GHR: variants seen among roughly 807,000 people sequenced by gnomAD.
GHR encodes GH receptor.
GHR carries 35 observed loss-of-function variants against 67.1 expected under a neutral mutation model. The observed-to-expected ratio is 0.52, with a 90% CI of 0.40 to 0.69. The LOEUF (loss-of-function observed/expected upper bound fraction) is 0.69. GHR is among the 30% of genes least tolerant of loss of function. The pLI is 0.00. For missense variants in GHR, 792 were observed against 764.6 expected (o/e 1.04, Z -0.42); for synonymous variants, 272 against 269.1 (o/e 1.01, Z -0.10).
intron 1 of GHR, among the ~76,000 whole-genome samples, chr5:42,470,390 C>A (rs1342549916): frequency 6.6e-6 from 1 of 151,922 alleles, no homozygotes; most frequent in East Asian, 1.9e-4. Flanking sequence ...TCCTTCCCTT[C>A]ATCTAATACA....
chr5:42,470,285 T>A (rs1744954934), intron 1 of GHR, among the ~76,000 whole-genome samples: 1 of 145,086 alleles, frequency 6.9e-6, no homozygotes, highest in Non-Finnish European at 1.5e-5. Context: ...AGTAAATATA[T>A]GGGGTGTGTA....
chr5:42,647,605 T>G, intron 3 of GHR: 1 of 398,752 alleles, frequency 2.5e-6, no homozygotes, highest in Non-Finnish European at 4.9e-6. Flanking sequence ...AGGGCCAAAG[T>G]AACAATGTAG....
intron 1 of GHR, among the ~76,000 whole-genome samples, chr5:42,440,764 T>C (rs950899666): frequency 1.3e-5 from 2 of 152,152 alleles, no homozygotes; most frequent in African/African-American, 4.8e-5. Context: ...ATGCTGAAGA[T>C]TGAAAGGAGT....
chr5:42,567,032 C>T (rs1159258326), intron 2 of GHR, among the ~76,000 whole-genome samples: 1 of 152,118 alleles, frequency 6.6e-6, no homozygotes, highest in Admixed American at 6.5e-5. Flanking sequence ...GTCTCTCTGG[C>T]GTTATAATGT....
intron 1 of GHR, among the ~76,000 whole-genome samples, chr5:42,438,429 C>A (rs554891176): frequency 1.3e-5 from 2 of 152,248 alleles, no homozygotes; most frequent in East Asian, 3.9e-4. Flanking sequence ...GAATGTGGGC[C>A]AAACTCAGGT....
intron 1 of GHR, among the ~76,000 whole-genome samples, chr5:42,498,725 A>T (rs1746418880): frequency 6.6e-6 from 1 of 152,198 alleles, no homozygotes; most frequent in South Asian, 2.1e-4. Flanking sequence ...TTCAGCTTAT[A>T]TCTCATTAAT....
rs541844678 is a variant in GHR, at chr5:42,694,703, T to C, written c.267-214T>C. Among the ~76,000 whole-genome samples the C allele has an allele frequency of 1.4e-3, 218 of 152,308 alleles. 1 individual carries two copies. The highest frequency in any genetic ancestry group is 6.8e-3 in the Middle Eastern group (2 of 294). The stretch of plus-strand genomic sequence containing the variant: ...CATTCAATAAACGGAAGTTTTACCA[T>C]AGGCAGAAGTACCAAACGGCCTCGT... On this transcript the variant is annotated intron_variant, in intron 4 of 9. Transcript: ENST00000230882.
intron 1 of GHR, among the ~76,000 whole-genome samples, chr5:42,478,894 T>A (rs1024167825): frequency 5.9e-5 from 9 of 152,210 alleles, no homozygotes; most frequent in East Asian, 1.9e-4. Context: ...CCTGCCTCAT[T>A]GCCCTGGCCA....
intron 3 of GHR, among the ~76,000 whole-genome samples, chr5:42,661,595 C>T (rs1323677857): frequency 1.3e-5 from 2 of 152,182 alleles, no homozygotes; most frequent in Non-Finnish European, 2.9e-5. Context: ...ACAAGAGCTC[C>T]TGAAGGAAGC....
At position 42,699,936 on chromosome 5, in the gene GHR, G is replaced by C. The variant is rs1314360351; in HGVS notation, c.552G>C (p.Gln184His). The C allele has an allele frequency of 5.0e-6, 8 of 1,600,284 alleles. No individual in the cohort carries two copies. Among genetic ancestry groups the C allele is most frequent in the Non-Finnish European group, 6.9e-6 (8 of 1,167,416 alleles). Residue 184 changes from glutamine (Q) to histidine (H), a missense_variant, in exon 6 of 10, where the codon CAG becomes CAC. Coordinates refer to ENST00000230882, the MANE Select transcript of GHR (RefSeq NM_000163.5). ...RWEAPRNADI[Q>H]KGWMVLEYEL... Reference sequence around the variant, plus strand: ...AAGCACCACGCAATGCAGATATTCAGAAAGGATGGATGGTTCTGGAGTATG... The same window carrying C: ...AAGCACCACGCAATGCAGATATTCACAAAGGATGGATGGTTCTGGAGTATG...
chr5:42,568,737 C>T (rs115960717), intron 2 of GHR, among the ~76,000 whole-genome samples: 2,251 of 152,170 alleles, frequency 0.015, 22 homozygotes, highest in Middle Eastern at 0.037. Flanking sequence ...TAATGAGAGC[C>T]TGTATACCTT....
intron 1 of GHR, among the ~76,000 whole-genome samples, chr5:42,535,572 T>C (rs550979321): frequency 5.5e-4 from 84 of 152,296 alleles, no homozygotes; most frequent in Non-Finnish European, 1.0e-3. Context: ...TAGAGTATAG[T>C]TTGAAATCAG....
At chr5:42,555,931 A>G (rs1280129678) in intron 1 of GHR, among the ~76,000 whole-genome samples, 1 of 152,142 alleles carries the variant, frequency 6.6e-6, no homozygotes, top group East Asian at 1.9e-4. Flanking sequence ...AGGTGAGGGA[A>G]TTGAGACCCA....
chr5:42,491,594 G>A (rs1295874937), intron 1 of GHR, among the ~76,000 whole-genome samples: 2 of 152,184 alleles, frequency 1.3e-5, no homozygotes, highest in Non-Finnish European at 2.9e-5. Context: ...CTACAAGGTA[G>A]CTATTTTTCT....
intron 1 of GHR, among the ~76,000 whole-genome samples, chr5:42,508,178 G>C (rs189816989): frequency 3.3e-5 from 5 of 152,332 alleles, no homozygotes; most frequent in African/African-American, 1.2e-4. Flanking sequence ...TTGCTGGTCA[G>C]TTCAGCCTGT....
chr5:42,686,576 C>G (rs1305482466), intron 3 of GHR, among the ~76,000 whole-genome samples: 2 of 152,132 alleles, frequency 1.3e-5, no homozygotes, highest in Non-Finnish European at 2.9e-5. Context: ...AGTGACAAAA[C>G]CACATGATTA....
intron 3 of GHR, among the ~76,000 whole-genome samples, chr5:42,630,350 A>G (rs1753877424): frequency 7.6e-6 from 1 of 132,306 alleles, no homozygotes; most frequent in South Asian, 2.3e-4. Context: ...TAGAGTCCAT[A>G]TTATGCAATA....
chr5:42,573,992 T>C (rs1157478563), intron 2 of GHR, among the ~76,000 whole-genome samples: 1 of 152,236 alleles, frequency 6.6e-6, no homozygotes, highest in Non-Finnish European at 1.5e-5. Flanking sequence ...TGCCACATTA[T>C]ATTTTCCAGA....
rs201777830 is a variant in GHR, at chr5:42,718,604, T to G, written c.1097T>G (p.Leu366Arg). 14 of 1,614,094 alleles carry G rather than the reference T, an allele frequency of 8.7e-6. No homozygotes were observed. In the African/African-American group the frequency reaches 1.9e-4, roughly 22 times the overall value. ...GAGGAATCAGACACAGACAGACTTCTAAGCAGTGACCATGAGAAATCACAT... is the reference window on the plus strand; with the variant it reads ...GAGGAATCAGACACAGACAGACTTCGAAGCAGTGACCATGAGAAATCACAT... Reference protein sequence around the residue: ...KTEESDTDRLLSSDHEKSHSN... With the variant: ...KTEESDTDRLRSSDHEKSHSN... Residue 366 changes from leucine (L) to arginine (R), a missense_variant, in exon 10 of 10, where the codon CTA (leucine) becomes CGA (arginine). Coordinates refer to ENST00000230882, the MANE Select transcript of GHR (RefSeq NM_000163.5).
Sources: allele counts gnomAD v4.1 joint callset (sites outside exome capture counted in the v4.1 genomes callset), GRCh38; gene constraint gnomAD v4.1.1; transcripts MANE v1.5; gene names NCBI Gene and HGNC (gene_info 2026-07-23, HGNC 2026-07-21).